KDM2A: variants seen among roughly 807,000 people sequenced by gnomAD.
KDM2A encodes lysine demethylase 2A.
A neutral mutation model predicts 137.3 loss-of-function variants in KDM2A; 3 were observed. The observed-to-expected ratio is 0.02, with a 90% CI of 0.01 to 0.06. KDM2A has a LOEUF of 0.06. KDM2A is among the 10% of genes least tolerant of loss of function. The probability of loss-of-function intolerance (pLI) is 1.00; values close to 1 mark genes in which losing one functional copy is unlikely to be tolerated. For missense variants in KDM2A, 738 were observed against 1,510.6 expected, an observed-to-expected ratio of 0.49 and a Z score of 8.48; for synonymous variants, 512 against 541.5, an observed-to-expected ratio of 0.95 and a Z score of 0.76.
chr11:67,124,113 C>G (rs913294149), intron 2 of KDM2A, among the ~76,000 whole-genome samples: 1 of 151,888 alleles, frequency 6.6e-6, no homozygotes, highest in Non-Finnish European at 1.5e-5. Flanking sequence ...AGGTGATTCT[C>G]CTGCCTCAGC....
chr11:67,214,281 T>C (rs184287976), intron 6 of KDM2A, among the ~76,000 whole-genome samples: 24 of 146,772 alleles, frequency 1.6e-4, no homozygotes, highest in African/African-American at 6.1e-4. Context: ...CTCGGCTCAC[T>C]GCAAGCTCCG....
chr11:67,157,746 CAA>C (rs34189357), intron 2 of KDM2A, among the ~76,000 whole-genome samples: 28 of 77,978 alleles, frequency 3.6e-4, no homozygotes, highest in Admixed American at 3.6e-4. Context: ...ACTCCGTCTC[CAA>C]AAAAAAAAAA....
intron 12 of KDM2A, among the ~76,000 whole-genome samples, chr11:67,241,921 TAGC>T (rs1859055015): frequency 6.6e-6 from 1 of 152,006 alleles, no homozygotes; most frequent in African/African-American, 2.4e-5. Flanking sequence ...ATACAAAAAT[TAGC>T]TGGGTATGGT....
intron 2 of KDM2A, among the ~76,000 whole-genome samples, chr11:67,135,402 A>G (rs1344781642): frequency 6.6e-6 from 1 of 152,180 alleles, no homozygotes; most frequent in East Asian, 1.9e-4. Context: ...GGATAGGGAA[A>G]TGAGATAAAA....
intron 2 of KDM2A, among the ~76,000 whole-genome samples, chr11:67,174,702 T>C (rs923944506): frequency 6.6e-6 from 1 of 152,350 alleles, no homozygotes; most frequent in Non-Finnish European, 1.5e-5. Context: ...GTGAATATTT[T>C]TTAAGACATT....
At chr11:67,164,222 C>T (rs536928670) in intron 2 of KDM2A, among the ~76,000 whole-genome samples, 66 of 152,294 alleles carry the variant, frequency 4.3e-4, no homozygotes, top group African/African-American at 1.5e-3. Context: ...AGACCTACTT[C>T]TGACTCTAAT....
intron 5 of KDM2A, among the ~76,000 whole-genome samples, chr11:67,203,520 TATATA>T (rs1266563754): frequency 1.4e-5 from 2 of 147,670 alleles, no homozygotes; most frequent in African/African-American, 2.5e-5. Context: ...TAATATAAAA[TATATA>T]ATAAATAAGT....
At position 67,218,539 on chromosome 11, in the gene KDM2A, A is replaced by AT. The variant is rs112406399; in HGVS notation, c.841+666dup. Among the ~76,000 whole-genome samples the AT allele has an allele frequency of 1.8e-3, 261 of 147,238 alleles. 1 individual carries two copies. The highest frequency in any genetic ancestry group is 4.8e-3 in the African/African-American group (195 of 40,386). ...ATAAGCCTTCTTAAAACATTATGAG[A>AT]TTTTTTTTTTTGCAATTATTTAAGC... On this transcript the variant is annotated intron_variant, in intron 9 of 20. Transcript: ENST00000529006.
intron 11 of KDM2A, among the ~76,000 whole-genome samples, chr11:67,230,494 C>T (rs556146426): frequency 4.1e-4 from 63 of 152,024 alleles, no homozygotes; most frequent in African/African-American, 1.4e-3. Flanking sequence ...AGTGTTGGGG[C>T]ACATGCCTCT....
intron 17 of KDM2A, 50 bp from the exon 18 acceptor site, chr11:67,252,644 G>A: frequency 8.7e-6 from 14 of 1,601,532 alleles, no homozygotes; most frequent in Non-Finnish European, 1.1e-5. Context: ...TGTGATGGGA[G>A]CTCCACTGAT....
chr11:67,166,185 C>CTTTTTTTTTTTTTTTTT (rs926802116), intron 2 of KDM2A, among the ~76,000 whole-genome samples: 1 of 131,554 alleles, frequency 7.6e-6, no homozygotes. Flanking sequence ...CAATATTTCT[C>CTTTTTTTTTTTTTTTTT]TTTTTTTTTT....
At chr11:67,238,937 T>C (rs1858946505) in intron 12 of KDM2A, among the ~76,000 whole-genome samples, 1 of 152,180 alleles carries the variant, frequency 6.6e-6, no homozygotes, top group Non-Finnish European at 1.5e-5. Context: ...CCTTTCCTCC[T>C]GTAGACTGAA....
At position 67,231,874 on chromosome 11, in the gene KDM2A, G is replaced by A; in HGVS notation, c.1393G>A (p.Val465Ile). The change falls in exon 12 of 21, where the codon GTA becomes ATA. Residue 465 changes from valine (V) to isoleucine (I), a missense_variant. By Grantham distance (29) the Val-to-Ile change is conservative. This residue lies in a region of KDM2A where 71 missense variants were observed against 147.9 expected (regional missense o/e 0.48). Transcript: ENST00000529006. ...TGAGCTTGAAGGCCTTCGCTGCCTT[G>A]TAGATAAGTTGGAGTCTCTGCCACT... Reference protein sequence around the residue: ...HFELEGLRCLVDKLESLPLHK... With the variant: ...HFELEGLRCLIDKLESLPLHK... 6.2e-7 allele frequency: 1 copy of A among 1,614,028 alleles called. No homozygotes were observed. The highest frequency in any genetic ancestry group is 1.1e-5 in the South Asian group (1 of 91,088).
At chr11:67,120,801 C>A (rs1054830720) in intron 1 of KDM2A, among the ~76,000 whole-genome samples, 57 of 152,198 alleles carry the variant, frequency 3.7e-4, no homozygotes, top group African/African-American at 1.4e-3. Flanking sequence ...GTCAGTTTGC[C>A]CTTCTTTCCT....
At chr11:67,230,382 C>T (rs141460311) in intron 11 of KDM2A, among the ~76,000 whole-genome samples, 64 of 152,226 alleles carry the variant, frequency 4.2e-4, no homozygotes, top group African/African-American at 1.5e-3. Flanking sequence ...GATCTCAGTA[C>T]TTTAGGAAAC....
intron 18 of KDM2A, 80 bp downstream of exon 18, chr11:67,252,937 C>G (rs946644989): frequency 2.8e-6 from 4 of 1,440,548 alleles, no homozygotes; most frequent in African/African-American, 1.4e-5. Context: ...GGCAGTGCTT[C>G]TTAGCATCAC....
intron 10 of KDM2A, among the ~76,000 whole-genome samples, chr11:67,225,597 C>T (rs1361587079): frequency 6.6e-6 from 1 of 151,982 alleles, no homozygotes; most frequent in East Asian, 1.9e-4. Context: ...ATGGAGAAGG[C>T]GTGTTTCTAC....
intron 2 of KDM2A, among the ~76,000 whole-genome samples, chr11:67,146,933 T>G (rs1856261884): frequency 1.3e-5 from 2 of 152,182 alleles, no homozygotes; most frequent in Non-Finnish European, 2.9e-5. Flanking sequence ...GCACATAGTT[T>G]ACTGATCTCA....
intron 2 of KDM2A, among the ~76,000 whole-genome samples, chr11:67,129,395 C>G (rs1260025238): frequency 3.3e-5 from 5 of 152,130 alleles, no homozygotes; most frequent in Admixed American, 6.6e-5. Flanking sequence ...TGAAGACCAG[C>G]CTGACCAACA....
Sources: gnomAD v4.1 joint callset for allele counts (sites outside exome capture counted in the v4.1 genomes callset) on GRCh38, gnomAD v4.1.1 for gene constraint, gnomAD v4.1.1 regional missense constraint, MANE v1.5 for transcripts, NCBI Gene and HGNC (gene_info 2026-07-23, HGNC 2026-07-21) for gene names.